The following PDLIM7 variants were observed in gnomAD, a reference collection of about 807,000 sequenced individuals.
PDLIM7 encodes the protein PDZ and LIM domain protein 7.
A neutral mutation model predicts 53.9 loss-of-function variants in PDLIM7; 37 were observed. The ratio of observed to expected loss-of-function variants is 0.69; its 90% confidence interval spans 0.53 to 0.90. The LOEUF is 0.90. Among genes scored for constraint, PDLIM7 ranks in the 40% least tolerant of loss-of-function variants. The probability of loss-of-function intolerance (pLI) is 0.00; values close to 1 mark genes in which losing one functional copy is unlikely to be tolerated. For synonymous variants in PDLIM7, 300 were observed against 261.3 expected (o/e 1.15, Z -1.43); for missense variants, 617 against 638.5 (o/e 0.97, Z 0.36).
At chr5:177,491,325 G>A in intron 5 of PDLIM7, 179 bp from the exon 6 acceptor site, 4 of 1,515,510 alleles carry the variant, frequency 2.6e-6, no homozygotes, top group Non-Finnish European at 3.6e-6. Context: ...GGAGAGGAGG[G>A]CAGCCAGGGT....
chr5:177,495,535 G>A (rs115773802), intron 2 of PDLIM7, among the ~76,000 whole-genome samples: 2,746 of 152,326 alleles, frequency 0.018, 69 homozygotes, highest in African/African-American at 0.062. Flanking sequence ...GCAATTTGTT[G>A]TGTCTCACAA....
chr5:177,492,473 G>T, intron 3 of PDLIM7, 38 bp from the exon 4 acceptor site: 1 of 1,613,608 alleles, frequency 6.2e-7, no homozygotes. Context: ...GGCCGGGCCC[G>T]CAGGGATCCC....
At chr5:177,496,588 A>T (rs1759085066) in intron 1 of PDLIM7, 65 bp from the exon 2 acceptor site, 1 of 1,160,408 alleles carries the variant, frequency 8.6e-7, no homozygotes, top group South Asian at 1.6e-5. Flanking sequence ...AGGCCGGGCC[A>T]GCTCAGGATA....
In PDLIM7 at chr5:177,494,015, C is replaced by T. The variant is rs559969580; in HGVS notation, c.97-1338G>A. ...GAGCTGGGCTCAACATGACCTCTTG[C>T]TTGCGTAGGAGGTCAGAAGGCTAAG... On this transcript the variant is annotated intron_variant, in intron 2 of 12. Coordinates refer to ENST00000355841, the MANE Select transcript of PDLIM7 (RefSeq NM_005451.5). Among the ~76,000 whole-genome samples the T allele has an allele frequency of 8.5e-5, 13 of 152,302 alleles. No homozygotes were observed. In the South Asian group the frequency reaches 2.7e-3, roughly 32 times the overall value.
intron 5 of PDLIM7, 171 bp from the exon 6 acceptor site, chr5:177,491,317 A>G: frequency 6.7e-7 from 1 of 1,488,686 alleles, no homozygotes; most frequent in Non-Finnish European, 9.2e-7. Flanking sequence ...GGCGAAGTGG[A>G]GAGGAGGGCA....
intron 5 of PDLIM7, 37 bp downstream of exon 5, chr5:177,491,770 T>C (rs1274993840): frequency 3.9e-6 from 4 of 1,020,092 alleles, no homozygotes; most frequent in Middle Eastern, 6.7e-4. Flanking sequence ...ACAGTGGGCC[T>C]GATGGCGTGG....
chr5:177,495,748 C>T (rs944691069), intron 2 of PDLIM7, among the ~76,000 whole-genome samples: 33 of 152,086 alleles, frequency 2.2e-4, no homozygotes, highest in Non-Finnish European at 4.1e-4. Context: ...CCACCCACAC[C>T]AGGGCAGGCT....
At chr5:177,489,986 G>A (rs1758664439) in intron 7 of PDLIM7, 154 bp from the exon 8 acceptor site, 2 of 1,535,482 alleles carry the variant, frequency 1.3e-6, no homozygotes, top group Admixed American at 3.9e-5. Flanking sequence ...GATGGGAAGG[G>A]CAGCTTCTCC....
At chr5:177,495,643 C>T (rs191968385) in intron 2 of PDLIM7, among the ~76,000 whole-genome samples, 51 of 152,322 alleles carry the variant, frequency 3.3e-4, no homozygotes, top group African/African-American at 1.2e-3. Context: ...TTCAGCTCTG[C>T]AGACCGCAGC....
rs773207945 is a variant in PDLIM7 at position 177,491,023 on chromosome 5, T to C, written c.522A>G (p.Thr174=). The C allele has an allele frequency of 5.0e-6, 8 of 1,613,290 alleles. No homozygotes were observed. The South Asian group carries it at 7.7e-5, about 16-fold the overall frequency. ...GCTGGCACTTACTGAACTCGGTGCC[T>C]GTGAGGTGGGCAAGGATGCGGAAGG... ...SRSFRILAHL[T]GTEFMQDPDE... The change falls in exon 6 of 13, where the codon ACA becomes ACG. Residue 174 remains threonine (T), a synonymous_variant. Coordinates refer to ENST00000355841, the MANE Select transcript of PDLIM7 (RefSeq NM_005451.5).
intron 5 of PDLIM7, 82 bp from the exon 6 acceptor site, chr5:177,491,228 T>A: frequency 6.7e-7 from 1 of 1,502,254 alleles, no homozygotes; most frequent in South Asian, 1.2e-5. Flanking sequence ...TGCATGTGGG[T>A]TTGGGTTACA....
At chr5:177,490,046 A>G (rs1454614818) in intron 7 of PDLIM7, 4 of 1,532,398 alleles carry the variant, frequency 2.6e-6, no homozygotes, top group African/African-American at 1.4e-5. Context: ...GAGACGAGGC[A>G]GGGCTCCCGC....
rs1163250275 is a variant in PDLIM7, at chr5:177,496,856, G to A, written c.-11-333C>T. 3 of 179,222 alleles carry A rather than the reference G, an allele frequency of 1.7e-5. 1 individual carries two copies. Among genetic ancestry groups the A allele is most frequent in the Non-Finnish European group, 3.5e-5 (3 of 84,822 alleles). 11.1% of individuals were successfully genotyped at this position (179,222 alleles called of 1,614,324 possible). On this transcript the variant is annotated intron_variant, in intron 1 of 12. Coordinates refer to ENST00000355841, the MANE Select transcript of PDLIM7 (RefSeq NM_005451.5). ...CCCAAGCCAGCCTGGAGCCTCGGGC[G>A]GCCGGGTGAGTCAGGGGCCGGCTCT... is the stretch of plus-strand genomic sequence containing the variant.
chr5:177,485,361 GGGGCCAGCCA>G (rs1561698481), intron 10 of PDLIM7, among the ~76,000 whole-genome samples: 1 of 152,182 alleles, frequency 6.6e-6, no homozygotes, highest in Non-Finnish European at 1.5e-5. Context: ...GGGGCCAGCC[GGGGCCAGCCA>G]GGGCCAGCAG....
intron 1 of PDLIM7, 121 bp from the exon 2 acceptor site, chr5:177,496,644 C>A: frequency 1.8e-6 from 1 of 556,076 alleles, no homozygotes; most frequent in Non-Finnish European, 3.0e-6. Flanking sequence ...CCCCTGAGCA[C>A]GCCCAAGCCA....
chr5:177,495,425 G>C (rs1581765585), intron 2 of PDLIM7, among the ~76,000 whole-genome samples: 1 of 152,164 alleles, frequency 6.6e-6, no homozygotes, highest in Non-Finnish European at 1.5e-5. Flanking sequence ...TGGGTCTCTT[G>C]GGGCAGGCGG....
chr5:177,491,491 G>A (rs1380005996), intron 5 of PDLIM7: 2 of 1,269,788 alleles, frequency 1.6e-6, no homozygotes, highest in Non-Finnish European at 2.2e-6. Context: ...AAGAAAGACG[G>A]GGAGGGGTCA....
At chr5:177,496,349 C>T (rs931958459) in intron 2 of PDLIM7, 68 bp downstream of exon 2, 3 of 1,201,386 alleles carry the variant, frequency 2.5e-6, no homozygotes, top group African/African-American at 3.1e-5. Flanking sequence ...GGACTCCCCC[C>T]ATCACCCTCT....
rs1409054349 is a variant in PDLIM7 at position 177,483,598 on chromosome 5, G to A, written c.*46C>T. 7.1e-7 allele frequency: 1 copy of A among 1,399,078 alleles called. No homozygotes were observed. Among genetic ancestry groups the A allele is most frequent in the South Asian group, 1.2e-5 (1 of 85,060 alleles). 86.7% of individuals were successfully genotyped at this position (1,399,078 alleles called of 1,614,324 possible). ...CAGAAATGCAGGGCCACGACTCCAG[G>A]CCCCTCAGGCTAGGGGCCACCGCGG... On this transcript the variant is annotated 3_prime_UTR_variant, in exon 13 of 13. Coordinates refer to ENST00000355841, the MANE Select transcript of PDLIM7 (RefSeq NM_005451.5).
Sources: gnomAD v4.1 joint callset for allele counts (sites outside exome capture counted in the v4.1 genomes callset) on GRCh38, gnomAD v4.1.1 for gene constraint, MANE v1.5 for transcripts, NCBI Gene and HGNC (gene_info 2026-07-23, HGNC 2026-07-21) for gene names.